The following DOCK7 variants were observed in gnomAD, a reference collection of about 807,000 sequenced individuals.
The protein encoded by DOCK7 is dedicator of cytokinesis protein 7.
Under a neutral mutation model 271.0 loss-of-function variants are expected in DOCK7, and 138 were observed. That is an observed-to-expected ratio of 0.51 (90% CI 0.44 to 0.59). The LOEUF is 0.59. Among genes scored for constraint, DOCK7 ranks in the 20% least tolerant of loss-of-function variants. DOCK7 has a pLI of 0.00. For missense variants in DOCK7, 2,066 were observed against 2,592.4 expected (o/e 0.80, Z 4.41); for synonymous variants, 823 against 876.1 (o/e 0.94, Z 1.07).
chr1:62,572,607 T>C (rs1244934289), intron 18 of DOCK7, among the ~76,000 whole-genome samples: 1 of 150,590 alleles, frequency 6.6e-6, no homozygotes, highest in East Asian at 1.9e-4. Flanking sequence ...TCACCCTGGG[T>C]TGCAGATGGC....
At chr1:62,537,074 T>C (rs1645368010) in intron 28 of DOCK7, among the ~76,000 whole-genome samples, 1 of 152,188 alleles carries the variant, frequency 6.6e-6, no homozygotes, top group African/African-American at 2.4e-5. Flanking sequence ...ATGCCTCCAC[T>C]GCAGTTTGAC....
intron 22 of DOCK7, among the ~76,000 whole-genome samples, chr1:62,549,556 G>A (rs938775036): frequency 3.3e-5 from 5 of 152,052 alleles, no homozygotes; most frequent in African/African-American, 1.2e-4. Context: ...TGGTTTACAT[G>A]AAATATTTTG....
intron 14 of DOCK7, among the ~76,000 whole-genome samples, chr1:62,611,038 T>TTA (rs1651722056): frequency 6.6e-6 from 1 of 152,232 alleles, no homozygotes; most frequent in South Asian, 2.1e-4. Context: ...ATCGCCACAC[T>TTA]GTCTTCCACA....
At chr1:62,486,349 G>T (rs996146585) in intron 43 of DOCK7, 4 of 151,962 alleles carry the variant, frequency 2.6e-5, no homozygotes, top group Non-Finnish European at 4.4e-5. Flanking sequence ...CTTAAAACAA[G>T]GATTGCAATG....
chr1:62,486,535 G>A (rs1033776785), intron 43 of DOCK7: 18 of 152,014 alleles, frequency 1.2e-4, no homozygotes, highest in Admixed American at 6.5e-5. Flanking sequence ...TTCCTTTGCA[G>A]AAACGTTTAA....
At chr1:62,659,144 AAC>A (rs1375279276) in intron 2 of DOCK7, among the ~76,000 whole-genome samples, 36 of 152,336 alleles carry the variant, frequency 2.4e-4, no homozygotes, top group African/African-American at 8.4e-4. Context: ...AGGAAAAAGA[AAC>A]ACAGCACGAG....
intron 13 of DOCK7, among the ~76,000 whole-genome samples, chr1:62,619,115 A>G (rs1652819177): frequency 6.6e-6 from 1 of 152,182 alleles, no homozygotes; most frequent in Admixed American, 6.5e-5. Context: ...ATGAATGGGA[A>G]TGAAGGAAGG....
intron 1 of DOCK7, among the ~76,000 whole-genome samples, chr1:62,687,439 G>C (rs1248384060): frequency 6.6e-6 from 1 of 152,168 alleles, no homozygotes; most frequent in African/African-American, 2.4e-5. Context: ...ACATATAAAA[G>C]GATGTCAGTG....
At chr1:62,658,020 G>GA (rs1658228905) in intron 2 of DOCK7, among the ~76,000 whole-genome samples, 2 of 151,312 alleles carry the variant, frequency 1.3e-5, no homozygotes, top group Non-Finnish European at 2.9e-5. Flanking sequence ...AACAATGGCT[G>GA]AAAACTTCTA....
chr1:62,609,724 T>A (rs1651505391), intron 14 of DOCK7: 1 of 152,190 alleles, frequency 6.6e-6, no homozygotes, highest in Non-Finnish European at 1.5e-5. Context: ...GGAACTTTAC[T>A]CCTTCCCTTC....
chr1:62,457,705 C>T lies in DOCK7; in HGVS notation c.6213G>A (p.Arg2071=). The change falls in exon 49 of 50, where the codon AGG becomes AGA. Residue 2071 remains arginine (R), a splice_region_variant and synonymous_variant. Coordinates refer to ENST00000635253, the MANE Select transcript of DOCK7 (RefSeq NM_001367561.1). ...TATTTTTTCTTAAGGCATCTTCACACCTAGGAAAAACAGGATGTTATCAAG... is the reference window on the plus strand; with the variant it reads ...TATTTTTTCTTAAGGCATCTTCACATCTAGGAAAAACAGGATGTTATCAAG... ...LRLCFKDFTK[R]CEDALRKNKS... 1 of 1,611,410 alleles carries T rather than the reference C, an allele frequency of 6.2e-7. No individual in the cohort carries two copies. The highest frequency in any genetic ancestry group is 8.5e-7 in the Non-Finnish European group (1 of 1,179,286).
intron 2 of DOCK7, among the ~76,000 whole-genome samples, chr1:62,655,195 T>TA (rs1348581446): frequency 6.6e-6 from 1 of 152,096 alleles, no homozygotes; most frequent in African/African-American, 2.4e-5. Context: ...TACTTTTTAA[T>TA]AAAATACCAT....
intron 2 of DOCK7, among the ~76,000 whole-genome samples, chr1:62,654,725 G>A (rs1301918566): frequency 3.3e-5 from 5 of 152,132 alleles, no homozygotes; most frequent in African/African-American, 9.7e-5. Context: ...ATCTTAAAAC[G>A]GGAGTATTAT....
At chr1:62,501,073 C>T (rs185572570) in intron 37 of DOCK7, among the ~76,000 whole-genome samples, 86 of 151,944 alleles carry the variant, frequency 5.7e-4, no homozygotes, top group Middle Eastern at 3.4e-3. Context: ...GTGGGCAGGG[C>T]GAGGTGGCTC....
intron 37 of DOCK7, among the ~76,000 whole-genome samples, chr1:62,502,381 T>C (rs1646808182): frequency 6.6e-6 from 1 of 152,186 alleles, no homozygotes; most frequent in Non-Finnish European, 1.5e-5. Flanking sequence ...TCTCCAGTTT[T>C]ATAAGCCCAA....
chr1:62,461,677 T>TACATAAAATA, intron 48 of DOCK7, among the ~76,000 whole-genome samples: 1 of 134,976 alleles, frequency 7.4e-6, no homozygotes, highest in East Asian at 2.2e-4. Context: ...TCTCAAAAAA[T>TACATAAAATA]AAATAAAATA....
intron 14 of DOCK7, among the ~76,000 whole-genome samples, chr1:62,610,731 T>A (rs1450201780): frequency 2.0e-5 from 3 of 152,044 alleles, no homozygotes; most frequent in African/African-American, 7.2e-5. Flanking sequence ...TCTGTTCCTG[T>A]GTTAGTTTGC....
chr1:62,664,318 A>T (rs1317277187), intron 1 of DOCK7, among the ~76,000 whole-genome samples: 1 of 152,216 alleles, frequency 6.6e-6, no homozygotes, highest in East Asian at 1.9e-4. Context: ...TCATGGGGTC[A>T]GTTTCCCCCA....
At chr1:62,611,932 G>A (rs1158307655) in intron 14 of DOCK7, among the ~76,000 whole-genome samples, 2 of 151,200 alleles carry the variant, frequency 1.3e-5, no homozygotes, top group Non-Finnish European at 2.9e-5. Context: ...ATCACCTGAG[G>A]TCAGGAGTTC....
Sources: allele counts gnomAD v4.1 joint callset (sites outside exome capture counted in the v4.1 genomes callset), GRCh38; gene constraint gnomAD v4.1.1; transcripts MANE v1.5; gene names NCBI Gene and HGNC (gene_info 2026-07-23, HGNC 2026-07-21).